The following PDZRN4 variants were observed in gnomAD, a reference collection of about 807,000 sequenced individuals.
The protein encoded by PDZRN4 is PDZ domain-containing RING finger protein 4.
A neutral mutation model predicts 99.0 loss-of-function variants in PDZRN4; 70 were observed. The ratio of observed to expected loss-of-function variants is 0.71; its 90% CI spans 0.58 to 0.86. The LOEUF (loss-of-function observed/expected upper bound fraction) is 0.86. Among genes scored for constraint, PDZRN4 ranks in the 40% least tolerant of loss-of-function variants. The pLI is 0.00. For synonymous variants in PDZRN4, 551 were observed against 501.6 expected (o/e 1.10, Z -1.32); for missense variants, 1,474 against 1,331.2 (o/e 1.11, Z -1.67).
intron 3 of PDZRN4, among the ~76,000 whole-genome samples, chr12:41,348,481 T>A (rs1366632280): frequency 6.6e-6 from 1 of 152,150 alleles, no homozygotes; most frequent in Non-Finnish European, 1.5e-5. Context: ...CATATGTTCT[T>A]ACTACTACAG....
chr12:41,524,752 AT>A (rs1396095014), intron 5 of PDZRN4, among the ~76,000 whole-genome samples: 1 of 152,106 alleles, frequency 6.6e-6, no homozygotes, highest in Non-Finnish European at 1.5e-5. Context: ...TTTTATTTTA[AT>A]TTCTATTTTA....
At chr12:41,322,718 G>A (rs1023615047) in intron 3 of PDZRN4, among the ~76,000 whole-genome samples, 16 of 151,630 alleles carry the variant, frequency 1.1e-4, no homozygotes, top group African/African-American at 3.1e-4. Context: ...GGATGGTCTC[G>A]ATATCCTGAC....
chr12:41,432,443 T>C (rs1952593176), intron 3 of PDZRN4, among the ~76,000 whole-genome samples: 1 of 152,218 alleles, frequency 6.6e-6, no homozygotes, highest in African/African-American at 2.4e-5. Flanking sequence ...CTAATGTGTG[T>C]TACAAACATA....
At chr12:41,529,599 A>C (rs566733284) in intron 5 of PDZRN4, among the ~76,000 whole-genome samples, 1 of 152,344 alleles carries the variant, frequency 6.6e-6, no homozygotes, top group Non-Finnish European at 1.5e-5. Flanking sequence ...ACAGTGAATT[A>C]ATATCTATTA....
chr12:41,345,140 A>G (rs1951844250), intron 3 of PDZRN4, among the ~76,000 whole-genome samples: 2 of 152,188 alleles, frequency 1.3e-5, no homozygotes, highest in Non-Finnish European at 2.9e-5. Flanking sequence ...GCATTAAAAT[A>G]AAAATTCCAT....
intron 3 of PDZRN4, among the ~76,000 whole-genome samples, chr12:41,415,158 T>A (rs1952433747): frequency 6.6e-6 from 1 of 151,984 alleles, no homozygotes; most frequent in Non-Finnish European, 1.5e-5. Context: ...AGAGAACTTG[T>A]GGAAAGTGTT....
At position 41,301,609 on chromosome 12, in the gene PDZRN4, C is replaced by CT. The variant is rs372891951; in HGVS notation, c.843+107422dup. 2.0e-5 allele frequency among the ~76,000 whole-genome samples: 3 copies of CT among 152,166 alleles called. 1 individual carries two copies. The highest frequency in any genetic ancestry group is 7.2e-5 in the African/African-American group (3 of 41,530). On this transcript the variant is annotated intron_variant, in intron 3 of 9. Transcript: ENST00000402685. The stretch of plus-strand genomic sequence containing the variant: ...CAAGAGCTTATTGCAGTTAATCATA[C>CT]TACATATTATAACCCCCCAAAAAAG...
chr12:41,558,210 G>T (rs1268543508), intron 7 of PDZRN4, among the ~76,000 whole-genome samples: 1 of 152,058 alleles, frequency 6.6e-6, no homozygotes, highest in South Asian at 2.1e-4. Context: ...TCAGAGTCAC[G>T]TTACATCCAG....
chr12:41,555,052 CAAAAAAAAAAAAAAA>C (rs67810817), intron 6 of PDZRN4, among the ~76,000 whole-genome samples: 17 of 113,542 alleles, frequency 1.5e-4, no homozygotes, highest in African/African-American at 3.8e-4. Context: ...ACTAAAAATA[CAAAAAAAAAAAAAAA>C]AAAAAAAAAA....
chr12:41,202,395 G>A (rs1334752709), intron 3 of PDZRN4, among the ~76,000 whole-genome samples: 1 of 152,062 alleles, frequency 6.6e-6, no homozygotes, highest in African/African-American at 2.4e-5. Context: ...CAAAGAGATA[G>A]GAATGGAAAC....
intron 3 of PDZRN4, among the ~76,000 whole-genome samples, chr12:41,264,484 C>T (rs1951263943): frequency 6.6e-6 from 1 of 152,018 alleles, no homozygotes; most frequent in Non-Finnish European, 1.5e-5. Context: ...TATAATATTG[C>T]TCTGAAGCTG....
chr12:41,527,481 A>C (rs1938588601), intron 5 of PDZRN4, among the ~76,000 whole-genome samples: 1 of 152,184 alleles, frequency 6.6e-6, no homozygotes, highest in African/African-American at 2.4e-5. Flanking sequence ...AAAAGCAATA[A>C]ATGAGGGGCC....
chr12:41,283,883 A>G (rs11504342), intron 3 of PDZRN4, among the ~76,000 whole-genome samples: 8,128 of 152,270 alleles, frequency 0.053, 238 homozygotes, highest in Non-Finnish European at 0.062. Context: ...GCTATTTATG[A>G]CAGACCCACA....
rs773654080 is a variant in PDZRN4, at chr12:41,231,633, T to C, written c.843+37445T>C. On this transcript the variant is annotated intron_variant, in intron 3 of 9. Coordinates refer to ENST00000402685, the MANE Select transcript of PDZRN4 (RefSeq NM_001164595.2). ...TCATTTTTACTGTTTCAAAATTATA[T>C]TAGTTTCATTTATTTTTACTAAATA... 4.7e-4 allele frequency among the ~76,000 whole-genome samples: 71 copies of C among 152,260 alleles called. 1 individual carries two copies. Among genetic ancestry groups the C allele is most frequent in the South Asian group, 2.1e-3 (10 of 4,832 alleles).
chr12:41,508,890 G>T (rs553504086), intron 4 of PDZRN4, among the ~76,000 whole-genome samples: 1 of 152,098 alleles, frequency 6.6e-6, no homozygotes, highest in Non-Finnish European at 1.5e-5. Context: ...ATCCACACTG[G>T]CAGGAGTTAG....
intron 3 of PDZRN4, among the ~76,000 whole-genome samples, chr12:41,354,573 C>T (rs536899692): frequency 1.8e-4 from 28 of 151,846 alleles, no homozygotes; most frequent in African/African-American, 6.3e-4. Context: ...TGAAGGAGAA[C>T]AAGAATTATC....
intron 3 of PDZRN4, chr12:41,412,387 G>A (rs1384564559): frequency 6.6e-6 from 1 of 152,204 alleles, no homozygotes; most frequent in Non-Finnish European, 1.5e-5. Context: ...ATTGCCACAT[G>A]ACATTTTACT....
At chr12:41,322,486 CCTTTTTT>C (rs759588387) in intron 3 of PDZRN4, among the ~76,000 whole-genome samples, 2 of 56,156 alleles carry the variant, frequency 3.6e-5, no homozygotes, top group Non-Finnish European at 4.1e-5. Context: ...GATTTTCTTT[CCTTTTTT>C]TTTTTTTTTT....
chr12:41,525,956 AT>A (rs546465145), intron 5 of PDZRN4, among the ~76,000 whole-genome samples: 3 of 152,326 alleles, frequency 2.0e-5, no homozygotes, highest in African/African-American at 7.2e-5. Context: ...TTTTTAAAAA[AT>A]CTCATTTATT....
Sources: gnomAD v4.1 joint callset for allele counts (sites outside exome capture counted in the v4.1 genomes callset) on GRCh38, gnomAD v4.1.1 for gene constraint, MANE v1.5 for transcripts, NCBI Gene and HGNC (gene_info 2026-07-23, HGNC 2026-07-21) for gene names.